PHACTR4: variants seen among roughly 807,000 people sequenced by gnomAD.
PHACTR4 encodes protein phosphatase 1, regulatory subunit 124.
A neutral mutation model predicts 72.7 loss-of-function variants in PHACTR4; 51 were observed. The observed-to-expected ratio is 0.70, with a 90% CI of 0.56 to 0.89. The LOEUF is 0.89. PHACTR4 is among the 40% of genes least tolerant of loss of function. The pLI, the probability that PHACTR4 is intolerant of heterozygous loss-of-function variation, is 0.00. For synonymous variants in PHACTR4, 255 were observed against 302.5 expected, an observed-to-expected ratio of 0.84 and a Z score of 1.63; for missense variants, 731 against 861.8, an observed-to-expected ratio of 0.85 and a Z score of 1.90.
chr1:28,396,929 G>A (rs1483771727), intron 1 of PHACTR4, among the ~76,000 whole-genome samples: 1 of 150,288 alleles, frequency 6.7e-6, no homozygotes, highest in Non-Finnish European at 1.5e-5. Context: ...CTGACATCGG[G>A]TGATCTACCC....
intron 2 of PHACTR4, chr1:28,438,158 G>T: frequency 8.2e-7 from 1 of 1,222,376 alleles, no homozygotes; most frequent in Non-Finnish European, 1.0e-6. Context: ...GCATTCCTGT[G>T]TGAAGAGTGC....
At chr1:28,470,135 A>G (rs920127787) in intron 6 of PHACTR4, among the ~76,000 whole-genome samples, 4 of 148,382 alleles carry the variant, frequency 2.7e-5, no homozygotes, top group African/African-American at 7.5e-5. Flanking sequence ...CTCAATGCCT[A>G]TAATCCCAGC....
intron 1 of PHACTR4, among the ~76,000 whole-genome samples, chr1:28,385,478 G>C (rs1652486566): frequency 6.7e-6 from 1 of 149,880 alleles, no homozygotes; most frequent in Non-Finnish European, 1.5e-5. Context: ...TGGAGGCGGA[G>C]GTTGCAGTGA....
intron 4 of PHACTR4, among the ~76,000 whole-genome samples, chr1:28,461,679 A>G (rs1490660118): frequency 6.7e-6 from 1 of 150,324 alleles, no homozygotes; most frequent in Non-Finnish European, 1.5e-5. Flanking sequence ...TGAGGTGGGA[A>G]CATGGGTGGG....
At position 28,456,924 on chromosome 1, in the gene PHACTR4, T is replaced by C. The variant is rs764244622; in HGVS notation, c.17-2161T>C. ...ATAAATAGATAGAGAGACAGATAGA[T>C]AGATAGATAGATAGATAGATAGATA... On this transcript the variant is annotated intron_variant, in intron 2 of 13. Coordinates refer to ENST00000373839, the MANE Select transcript of PHACTR4 (RefSeq NM_001048183.3). 6.5e-4 allele frequency among the ~76,000 whole-genome samples: 42 copies of C among 64,928 alleles called. No homozygotes were observed. The South Asian group carries it at 8.3e-3, about 13-fold the overall frequency. The allele number at this position is 64,928 out of a possible 152,430, so 42.6% of individuals were successfully genotyped here.
At chr1:28,391,688 C>T (rs1212949806) in intron 1 of PHACTR4, among the ~76,000 whole-genome samples, 1 of 148,390 alleles carries the variant, frequency 6.7e-6, no homozygotes, top group African/African-American at 2.5e-5. Context: ...TCACTGCAAC[C>T]TCTGCCTCCC....
intron 1 of PHACTR4, 63 bp from the exon 2 acceptor site, chr1:28,407,347 A>G: frequency 1.2e-6 from 1 of 830,806 alleles, no homozygotes; most frequent in Non-Finnish European, 1.9e-6. Flanking sequence ...TTATTTTTTT[A>G]AAAGCATAAA....
intron 5 of PHACTR4, 49 bp downstream of exon 5, chr1:28,465,898 T>C (rs772143660): frequency 6.4e-7 from 1 of 1,550,406 alleles, no homozygotes. Flanking sequence ...CCAGTTATTC[T>C]CCTTACATAA....
At chr1:28,431,550 C>T (rs911011929) in intron 2 of PHACTR4, among the ~76,000 whole-genome samples, 1 of 151,746 alleles carries the variant, frequency 6.6e-6, no homozygotes, top group Non-Finnish European at 1.5e-5. Flanking sequence ...CCAAAAAGAA[C>T]TCTGAGTCAG....
intron 1 of PHACTR4, among the ~76,000 whole-genome samples, chr1:28,380,716 T>C (rs1338040195): frequency 6.6e-6 from 1 of 152,220 alleles, no homozygotes; most frequent in Admixed American, 6.5e-5. Flanking sequence ...GGTGTATACA[T>C]ACCACCTTTT....
chr1:28,375,836 G>A (rs944201582), intron 1 of PHACTR4, among the ~76,000 whole-genome samples: 16 of 152,144 alleles, frequency 1.1e-4, no homozygotes, highest in African/African-American at 2.9e-4. Context: ...GTGGGAGGCC[G>A]AGGTGGGTGG....
intron 1 of PHACTR4, among the ~76,000 whole-genome samples, chr1:28,392,706 G>A (rs1357077753): frequency 6.6e-6 from 1 of 151,788 alleles, no homozygotes; most frequent in Non-Finnish European, 1.5e-5. Flanking sequence ...AAGCTATTAA[G>A]TGTATCCTTT....
At chr1:28,373,116 C>T (rs1036704016) in intron 1 of PHACTR4, among the ~76,000 whole-genome samples, 3 of 151,954 alleles carry the variant, frequency 2.0e-5, no homozygotes, top group Admixed American at 1.3e-4. Flanking sequence ...CACTACCACA[C>T]TTGGCTAATT....
intron 13 of PHACTR4, chr1:28,494,257 C>G (rs953711369): frequency 2.0e-5 from 3 of 152,094 alleles, no homozygotes; most frequent in African/African-American, 7.2e-5. Context: ...TGGTACACAC[C>G]TGTAATCCTA....
chr1:28,381,801 C>CT (rs1055797985), intron 1 of PHACTR4, among the ~76,000 whole-genome samples: 4 of 152,114 alleles, frequency 2.6e-5, no homozygotes, highest in African/African-American at 9.7e-5. Context: ...GAGACAGAGT[C>CT]TTGCTCTGTT....
At position 28,466,688 on chromosome 1, in the gene PHACTR4, G is replaced by A. The variant is rs746507516; in HGVS notation, c.743G>A (p.Ser248Asn). ...AGCACTAACACTACTGCTACCCCAA[G>A]CCTCACTCATATGGTCCCTGCCAAG... ...PASTNTTATP[S>N]LTHMVPAKQP... Residue 248 changes from serine (S) to asparagine (N), a missense_variant, in exon 6 of 14, where the codon AGC (serine) becomes AAC (asparagine). Around this residue, in one of 2 missense-constraint regions of PHACTR4, gnomAD observed 621 missense variants for 676.6 expected, o/e 0.92. Transcript: ENST00000373839. 6.2e-7 allele frequency: 1 copy of A among 1,613,970 alleles called. No individual in the cohort carries two copies. Among genetic ancestry groups the A allele is most frequent in the Non-Finnish European group, 8.5e-7 (1 of 1,179,998 alleles).
chr1:28,453,300 C>A (rs529189518), intron 2 of PHACTR4, among the ~76,000 whole-genome samples: 20 of 152,190 alleles, frequency 1.3e-4, no homozygotes, highest in Non-Finnish European at 2.6e-4. Flanking sequence ...AGTGCAATAT[C>A]ATAAATCTTG....
chr1:28,461,327 G>C (rs1658793308), intron 4 of PHACTR4, among the ~76,000 whole-genome samples: 1 of 152,078 alleles, frequency 6.6e-6, no homozygotes, highest in Admixed American at 6.6e-5. Flanking sequence ...TGTAGTACCA[G>C]CTACTTGGGA....
chr1:28,457,412 T>C (rs1658468712), intron 2 of PHACTR4: 1 of 375,762 alleles, frequency 2.7e-6, no homozygotes, highest in Admixed American at 3.2e-5. Context: ...CCTGAGCAAT[T>C]TGGTGAGACC....
Sources: gnomAD v4.1 joint callset for allele counts (sites outside exome capture counted in the v4.1 genomes callset) on GRCh38, gnomAD v4.1.1 for gene constraint, gnomAD v4.1.1 regional missense constraint, MANE v1.5 for transcripts, NCBI Gene and HGNC (gene_info 2026-07-23, HGNC 2026-07-21) for gene names.